NEB: variants seen among roughly 807,000 people sequenced by gnomAD.
NEB encodes the protein nemaline myopathy type 2.
Under a neutral mutation model 952.2 loss-of-function variants are expected in NEB, and 512 were observed. That is an observed-to-expected ratio of 0.54 (90% CI 0.50 to 0.58). The LOEUF is 0.58. NEB is among the 20% of genes least tolerant of loss of function. The probability of loss-of-function intolerance (pLI) is 0.00; values close to 1 mark genes in which losing one functional copy is unlikely to be tolerated. For synonymous variants in NEB, 2,900 were observed against 3,149.8 expected (o/e 0.92, Z 2.66); for missense variants, 8,428 against 9,231.1 (o/e 0.91, Z 3.56).
Position 151,553,977 on chromosome 2 carries a change from C to T in NEB, c.19477G>A (p.Val6493Met), listed in dbSNP as rs1233717326. The change falls in exon 126 of 182, where the codon GTG (valine) becomes ATG (methionine). Residue 6493 changes from valine to methionine, a missense_variant. Physicochemically the swap from Val to Met is conservative, Grantham distance 21. Coordinates refer to ENST00000397345, the MANE Select transcript of NEB (RefSeq NM_001164508.2). The part of the protein sequence containing the change: ...YEKNKMKIHI[V>M]PDMVEMVTAK... ...GTAACCATCTCTACCATGTCGGGCA[C>T]GATGTGGATTTTCATCTTGTTCTTT... The T allele has an allele frequency of 4.0e-5, 65 of 1,613,666 alleles. No homozygotes were observed. In the Admixed American group the frequency reaches 7.3e-4, roughly 18 times the overall value.
chr2:151,702,341 T>C (rs1348724352), intron 13 of NEB, among the ~76,000 whole-genome samples: 3 of 152,218 alleles, frequency 2.0e-5, no homozygotes, highest in Non-Finnish European at 4.4e-5. Flanking sequence ...ATGTATATTC[T>C]GTTGGTTTGG....
chr2:151,545,003 A>G (rs991383461), intron 135 of NEB, among the ~76,000 whole-genome samples: 2 of 152,262 alleles, frequency 1.3e-5, no homozygotes, highest in African/African-American at 4.8e-5. Context: ...CCAAGGCACT[A>G]TGGGACACAT....
intron 92 of NEB, 118 bp from the exon 93 acceptor site, chr2:151,594,436 T>G (rs1169287398): frequency 2.3e-6 from 3 of 1,317,458 alleles, no homozygotes; most frequent in Non-Finnish European, 3.1e-6. Context: ...GGCTCAACAT[T>G]GGCAGTCATT....
intron 136 of NEB, 67 bp downstream of exon 136, chr2:151,541,380 G>T: frequency 8.2e-7 from 1 of 1,222,582 alleles, no homozygotes; most frequent in Non-Finnish European, 1.2e-6. Flanking sequence ...CTGGCCAGGT[G>T]AGGCCAGGCA....
rs764952901 is a variant in NEB at position 151,692,101 on chromosome 2, T to C, written c.2064A>G (p.Pro688=). 20 of 1,613,918 alleles carry C rather than the reference T, an allele frequency of 1.2e-5. No individual in the cohort carries two copies. The African/African-American group carries it at 2.4e-4, about 19-fold the overall frequency. Residue 688 remains proline (P), a synonymous_variant, in exon 22 of 182, where the codon CCA becomes CCG. Coordinates refer to ENST00000397345, the MANE Select transcript of NEB (RefSeq NM_001164508.2). ...CAACTTTCATGCAGTGTGTGTGATA[T>C]GGGTCCTCCATGCTGCCTACATAAT... is the stretch of plus-strand genomic sequence containing the variant. The part of the protein sequence containing the change: ...LGHYVGSMED[P]YHTHCMKVAA...
In NEB at chr2:151,662,302, T is replaced by C. The variant is rs1407592058; in HGVS notation, c.5803A>G (p.Ile1935Val). ...KADYADFMKGIGWLPLGSLEA... is the reference protein window; with the variant it reads ...KADYADFMKGVGWLPLGSLEA... ...AGGGAGCCCAGAGGGAGCCATCCAA[T>C]GCCCTTCATGAAGTCAGCATAGTCA... The change falls in exon 46 of 182, where the codon ATT (isoleucine) becomes GTT (valine). Residue 1935 changes from isoleucine to valine, a missense_variant. Coordinates refer to ENST00000397345, the MANE Select transcript of NEB (RefSeq NM_001164508.2). 1.2e-6 allele frequency: 2 copies of C among 1,613,636 alleles called. No homozygotes were observed. Among genetic ancestry groups the C allele is most frequent in the Admixed American group, 1.7e-5 (1 of 60,018 alleles).
At chr2:151,651,847 T>C (rs879360272) in intron 52 of NEB, among the ~76,000 whole-genome samples, 17 of 152,176 alleles carry the variant, frequency 1.1e-4, no homozygotes, top group Admixed American at 4.6e-4. Context: ...TCTGACAAAA[T>C]TGCTTTTTAA....
chr2:151,654,838 C>T (rs74942276), intron 51 of NEB, among the ~76,000 whole-genome samples: 1,685 of 152,216 alleles, frequency 0.011, 38 homozygotes, highest in East Asian at 0.063. Flanking sequence ...CTGTTTGATG[C>T]AATTTTTACT....
At chr2:151,726,061 A>G (rs962626031) in intron 5 of NEB, among the ~76,000 whole-genome samples, 6 of 152,238 alleles carry the variant, frequency 3.9e-5, no homozygotes, top group Non-Finnish European at 7.3e-5. Flanking sequence ...TTTCTGCTGA[A>G]TACACAATGA....
intron 3 of NEB, among the ~76,000 whole-genome samples, chr2:151,730,652 T>A (rs1198732353): frequency 6.6e-6 from 1 of 151,368 alleles, no homozygotes; most frequent in Non-Finnish European, 1.5e-5. Context: ...GTAAAACACT[T>A]TATGCTTCCT....
rs768295694 is a variant in NEB at position 151,694,524 on chromosome 2, C to A, written c.1780G>T (p.Asp594Tyr). Residue 594 changes from aspartate to tyrosine, a missense_variant and splice_region_variant, in exon 19 of 182, where the codon GAT becomes TAT. This residue lies in a region of NEB where 2,851 missense variants were observed against 2,791.5 expected (regional missense o/e 1.02). Transcript: ENST00000397345. ...CCAGGTCCCCAGGCCACACTCACAT[C>A]GCTGGTGTTCTTGGTGTTGGCTTTG... ...AAKANTKNTS[D>Y]VMYKKDYEKN... is the part of the protein sequence containing the mutation. The A allele has an allele frequency of 2.5e-6, 4 of 1,613,448 alleles. No homozygotes were observed. The highest frequency in any genetic ancestry group is 4.5e-5 in the East Asian group (2 of 44,894).
intron 154 of NEB, 94 bp downstream of exon 154, chr2:151,519,564 G>T: frequency 2.2e-6 from 2 of 891,970 alleles, no homozygotes; most frequent in Non-Finnish European, 1.8e-6. Context: ...GGATAATATT[G>T]TGAGTGTTAT....
At chr2:151,704,505 C>T (rs1357726722) in intron 13 of NEB, among the ~76,000 whole-genome samples, 9 of 151,860 alleles carry the variant, frequency 5.9e-5, no homozygotes, top group South Asian at 2.1e-4. Context: ...TGCTAGCAAT[C>T]AGCGAGACTC....
intron 71 of NEB, among the ~76,000 whole-genome samples, chr2:151,621,581 G>C (rs2098417311): frequency 6.6e-6 from 1 of 152,170 alleles, no homozygotes; most frequent in African/African-American, 2.4e-5. Context: ...AGATTTAGGA[G>C]TCAAAACTGC....
At chr2:151,545,782 G>A (rs900387464) in intron 135 of NEB, 106 bp downstream of exon 135, 21 of 647,310 alleles carry the variant, frequency 3.2e-5, no homozygotes, top group South Asian at 1.7e-4. Flanking sequence ...TTTACCTGCC[G>A]CAGTTGCCTG....
rs768912607 is a variant in NEB at position 151,725,465 on chromosome 2, AT to A, written c.389del (p.Asp130ValfsTer21). On this transcript the variant is annotated frameshift_variant, in exon 6 of 182. Coordinates refer to ENST00000397345, the MANE Select transcript of NEB (RefSeq NM_001164508.2). LOFTEE classifies it high-confidence loss of function. ...PELRRIKKVQ[D>X]QLSEVKYRMD... ...CAATGCAGCCCACCTCACTGAGTTGATCTTGTACTTTTTTGATTCTGCGAAG... is the reference window on the plus strand; with the variant it reads ...CAATGCAGCCCACCTCACTGAGTTGACTTGTACTTTTTTGATTCTGCGAAG... The A allele has an allele frequency of 3.7e-6, 6 of 1,613,018 alleles. No homozygotes were observed.
intron 48 of NEB, 81 bp downstream of exon 48, chr2:151,657,902 C>A: frequency 1.1e-6 from 1 of 943,346 alleles, no homozygotes; most frequent in South Asian, 1.5e-5. Context: ...ATTGTGTCCA[C>A]TCAGTGTTTC....
intron 54 of NEB, among the ~76,000 whole-genome samples, chr2:151,646,971 T>C (rs912435698): frequency 6.6e-6 from 1 of 151,728 alleles, no homozygotes; most frequent in Non-Finnish European, 1.5e-5. Flanking sequence ...CTCATAATCA[T>C]TGTGAAGGAT....
Position 151,519,683 on chromosome 2 carries a change from T to G in NEB, c.22565A>C (p.Lys7522Thr). 1 of 1,612,064 alleles carries G rather than the reference T, an allele frequency of 6.2e-7. No individual in the cohort carries two copies. Among genetic ancestry groups the G allele is most frequent in the Non-Finnish European group, 8.5e-7 (1 of 1,178,350 alleles). Residue 7522 changes from lysine to threonine, a missense_variant, in exon 154 of 182, where the codon AAA becomes ACA. This residue lies in a region of NEB where 3,374 missense variants were observed against 3,651.5 expected (regional missense o/e 0.92). Coordinates refer to ENST00000397345, the MANE Select transcript of NEB (RefSeq NM_001164508.2). ...CTCACTTGCAAGATTATTAGCATCT[T>G]TCATGACTTTGTAGAGCTGGCTGTC... Reference protein sequence around the residue: ...PKDSQLYKVMKDANNLASEVK... With the variant: ...PKDSQLYKVMTDANNLASEVK...
Sources: allele counts gnomAD v4.1 joint callset (sites outside exome capture counted in the v4.1 genomes callset), GRCh38; gene constraint gnomAD v4.1.1; regional missense constraint gnomAD v4.1.1; transcripts MANE v1.5; gene names NCBI Gene and HGNC (gene_info 2026-07-23, HGNC 2026-07-21).